SLC35G2: variants seen among roughly 807,000 people sequenced by gnomAD.
SLC35G2 encodes solute carrier family 35 member G2.
Under a neutral mutation model 27.2 loss-of-function variants are expected in SLC35G2, and 20 were observed. That is an observed-to-expected ratio of 0.74 (90% CI 0.52 to 1.07). SLC35G2 has a LOEUF of 1.07. Ranked by LOEUF, SLC35G2 falls within the 50% of genes least tolerant of loss-of-function variation. The pLI is 0.00. For synonymous variants in SLC35G2, 148 were observed against 165.3 expected, an observed-to-expected ratio of 0.90 and a Z score of 0.80; for missense variants, 416 against 493.3, an observed-to-expected ratio of 0.84 and a Z score of 1.48.
At chr3:136,842,896 C>G (rs1483867349) in intron 1 of SLC35G2, 1 of 152,314 alleles carries the variant, frequency 6.6e-6, no homozygotes, top group East Asian at 1.9e-4. Context: ...CCCTCTTGGG[C>G]TGTGCACAAC....
Position 136,855,522 on chromosome 3 carries a change from G to A in SLC35G2, c.1062G>A (p.Glu354=), listed in dbSNP as rs764371818. The part of the protein sequence containing the change: ...PALVSTVQHL[E]IVVAMVLQLL... ...TGGTTAGCACAGTACAACATTTGGA[G>A]ATTGTGGTAGCTATGGTCTTGCAGC... Residue 354 remains glutamate (E), a synonymous_variant, in exon 2 of 2, where the codon GAG becomes GAA. Coordinates refer to ENST00000446465, the MANE Select transcript of SLC35G2 (RefSeq NM_025246.3). The A allele has an allele frequency of 9.3e-6, 15 of 1,614,040 alleles. No individual in the cohort carries two copies. Among genetic ancestry groups the A allele is most frequent in the Non-Finnish European group, 1.3e-5 (15 of 1,180,002 alleles).
intron 1 of SLC35G2, among the ~76,000 whole-genome samples, chr3:136,844,030 A>AT (rs1937236053): frequency 6.6e-6 from 1 of 152,144 alleles, no homozygotes; most frequent in African/African-American, 2.4e-5. Context: ...AGTAGAAGTG[A>AT]TTGGGAGGTG....
At chr3:136,831,002 C>T (rs1032200077) in intron 1 of SLC35G2, among the ~76,000 whole-genome samples, 6 of 152,144 alleles carry the variant, frequency 3.9e-5, no homozygotes, top group African/African-American at 1.2e-4. Context: ...TTATTTAAGA[C>T]CCCAAAGTAT....
At chr3:136,835,507 C>A (rs1024524762) in intron 1 of SLC35G2, among the ~76,000 whole-genome samples, 11 of 151,940 alleles carry the variant, frequency 7.2e-5, no homozygotes, top group African/African-American at 2.7e-4. Flanking sequence ...GTGATAATTT[C>A]TCCACTGTTA....
chr3:136,835,537 G>T (rs1936844420), intron 1 of SLC35G2, among the ~76,000 whole-genome samples: 1 of 152,064 alleles, frequency 6.6e-6, no homozygotes, highest in Non-Finnish European at 1.5e-5. Context: ...CTTTCCCTTT[G>T]AATTAATAAG....
intron 1 of SLC35G2, among the ~76,000 whole-genome samples, chr3:136,823,114 G>A (rs1936498736): frequency 1.3e-5 from 2 of 152,168 alleles, no homozygotes; most frequent in Non-Finnish European, 2.9e-5. Flanking sequence ...TAACTGGAGT[G>A]AGATGATATC....
In SLC35G2 at chr3:136,855,686, C is replaced by A; in HGVS notation, c.1226C>A (p.Ser409Tyr). Reference protein sequence around the residue: ...RKQDYQEILDSPIK With the variant: ...RKQDYQEILDYPIK ...CAGGACTACCAGGAAATACTAGACT[C>A]TCCCATTAAATGAATACCTGATTAT... Residue 409 changes from serine to tyrosine, a missense_variant, in exon 2 of 2, where the codon TCT becomes TAT. Coordinates refer to ENST00000446465, the MANE Select transcript of SLC35G2 (RefSeq NM_025246.3). 6.3e-7 allele frequency: 1 copy of A among 1,598,218 alleles called. No homozygotes were observed. Among genetic ancestry groups the A allele is most frequent in the Admixed American group, 1.7e-5 (1 of 59,892 alleles).
At chr3:136,833,973 G>A (rs1187298645) in intron 1 of SLC35G2, among the ~76,000 whole-genome samples, 1 of 151,340 alleles carries the variant, frequency 6.6e-6, no homozygotes, top group Non-Finnish European at 1.5e-5. Context: ...GTATTGTATA[G>A]TAACCGTAAA....
At chr3:136,822,237 A>G (rs569583381) in intron 1 of SLC35G2, among the ~76,000 whole-genome samples, 7 of 152,114 alleles carry the variant, frequency 4.6e-5, no homozygotes, top group Non-Finnish European at 1.0e-4. Context: ...TCCATTAACC[A>G]TCCCCAGTTT....
At chr3:136,851,496 CAAAAAAAAA>C (rs11427657) in intron 1 of SLC35G2, among the ~76,000 whole-genome samples, 5 of 66,520 alleles carry the variant, frequency 7.5e-5, no homozygotes, top group East Asian at 5.8e-4. Context: ...GACTCCGTCT[CAAAAAAAAA>C]AAAAAAAAAA....
At chr3:136,841,483 C>T (rs895692971) in intron 1 of SLC35G2, among the ~76,000 whole-genome samples, 1 of 151,966 alleles carries the variant, frequency 6.6e-6, no homozygotes, top group Non-Finnish European at 1.5e-5. Context: ...AATCCCAGCA[C>T]TTTGGGAGGC....
chr3:136,853,946 G>A (rs1033842222), intron 1 of SLC35G2, among the ~76,000 whole-genome samples: 46 of 152,244 alleles, frequency 3.0e-4, no homozygotes, highest in Middle Eastern at 3.4e-3. Flanking sequence ...AACTTATGGG[G>A]AGTCCAGAAT....
rs149048170 is a variant in SLC35G2 at position 136,821,471 on chromosome 3, A to C, written c.-19+1843A>C. Among the ~76,000 whole-genome samples, 294 of 152,202 alleles carry C rather than the reference A, an allele frequency of 1.9e-3. 7 individuals are homozygous for C. In the East Asian group the frequency reaches 0.047, roughly 24 times the overall value. ...CAAAAAAAAAATTTTTTTTTGAGAC[A>C]TTGTCTTGCTTGTTGCCCAGACTGG... is the stretch of plus-strand genomic sequence containing the variant. On this transcript the variant is annotated intron_variant, in intron 1 of 1. Coordinates refer to ENST00000446465, the MANE Select transcript of SLC35G2 (RefSeq NM_025246.3).
intron 1 of SLC35G2, among the ~76,000 whole-genome samples, chr3:136,841,154 G>A (rs1450521528): frequency 1.3e-5 from 2 of 151,934 alleles, no homozygotes; most frequent in African/African-American, 4.8e-5. Flanking sequence ...CTAAGCAAGA[G>A]GATGTATTTG....
chr3:136,844,000 T>G (rs1937234166), intron 1 of SLC35G2, among the ~76,000 whole-genome samples: 1 of 152,174 alleles, frequency 6.6e-6, no homozygotes, highest in Non-Finnish European at 1.5e-5. Flanking sequence ...TTAGCCTAGC[T>G]GAGCCTAGAT....
intron 1 of SLC35G2, among the ~76,000 whole-genome samples, chr3:136,848,797 G>A (rs1937508630): frequency 6.6e-6 from 1 of 152,194 alleles, no homozygotes; most frequent in Non-Finnish European, 1.5e-5. Context: ...TAGAGTAGGT[G>A]GGAAGAGAGG....
rs1258290597 is a variant in SLC35G2 at position 136,845,743 on chromosome 3, G to A, written c.-18-8700G>A. ...TCCAATTAGGTGGGACTATAGGTGCGCGCCATCACGTCTAGCTAATTTTTG... is the reference window on the plus strand; with the variant it reads ...TCCAATTAGGTGGGACTATAGGTGCACGCCATCACGTCTAGCTAATTTTTG... On this transcript the variant is annotated intron_variant, in intron 1 of 1. Transcript: ENST00000446465. Among the ~76,000 whole-genome samples, 4 of 151,666 alleles carry A rather than the reference G, an allele frequency of 2.6e-5. No homozygotes were observed. In the East Asian group the frequency reaches 5.8e-4, roughly 22 times the overall value.
At position 136,855,180 on chromosome 3, in the gene SLC35G2, C is replaced by A. The variant is rs1034235051; in HGVS notation, c.720C>A (p.Asn240Lys). The A allele has an allele frequency of 6.2e-7, 1 of 1,614,020 alleles. No homozygotes were observed. The highest frequency in any genetic ancestry group is 8.5e-7 in the Non-Finnish European group (1 of 1,180,024). Residue 240 changes from asparagine to lysine, a missense_variant, in exon 2 of 2, where the codon AAC becomes AAA. Asn to Lys is a moderately conservative substitution (Grantham distance 94). Coordinates refer to ENST00000446465, the MANE Select transcript of SLC35G2 (RefSeq NM_025246.3). ...GTGTTTGTCTTGTCATGATCCCAAA[C>A]ATTGTTGATGAAGACAATTCTTTGT... ...ILGVCLVMIP[N>K]IVDEDNSLLN...
At chr3:136,840,923 CT>C (rs71626030) in intron 1 of SLC35G2, among the ~76,000 whole-genome samples, 21,216 of 121,474 alleles carry the variant, frequency 0.17, 1,090 homozygotes, top group Middle Eastern at 0.22. Flanking sequence ...GTGCCTGGCC[CT>C]TTTTTTTTTT....
Sources: allele counts gnomAD v4.1 joint callset (sites outside exome capture counted in the v4.1 genomes callset), GRCh38; gene constraint gnomAD v4.1.1; transcripts MANE v1.5; gene names NCBI Gene and HGNC (gene_info 2026-07-23, HGNC 2026-07-21).